Variants in SFI1 observed in about 807,000 individuals in gnomAD.
SFI1 encodes protein SFI1 homolog.
A neutral mutation model predicts 207.5 loss-of-function variants in SFI1; 195 were observed. The ratio of observed to expected loss-of-function variants is 0.94; its 90% CI spans 0.84 to 1.06. The LOEUF (loss-of-function observed/expected upper bound fraction) is 1.06, where lower values mean the gene tolerates loss of function less well. Among genes scored for constraint, SFI1 ranks in the 50% least tolerant of loss-of-function variants. The pLI, the probability that SFI1 is intolerant of heterozygous loss-of-function variation, is 0.00. For missense variants in SFI1, 1,634 were observed against 1,588.0 expected (o/e 1.03, Z -0.49); for synonymous variants, 630 against 598.9 (o/e 1.05, Z -0.76).
At chr22:31,576,116 C>G (rs77671876) in intron 10 of SFI1, among the ~76,000 whole-genome samples, 1,910 of 151,948 alleles carry the variant, frequency 0.013, 97 homozygotes, top group Admixed American at 0.074. Context: ...TCTCCGCCTC[C>G]CAGGTTCAAG....
At chr22:31,594,271 C>T (rs1274887245) in intron 15 of SFI1, among the ~76,000 whole-genome samples, 4 of 152,068 alleles carry the variant, frequency 2.6e-5, no homozygotes, top group African/African-American at 7.2e-5. Context: ...AAGGTCGGGC[C>T]GGGTGCAGTG....
chr22:31,610,294 C>T (rs771589448), intron 22 of SFI1, among the ~76,000 whole-genome samples: 1 of 152,146 alleles, frequency 6.6e-6, no homozygotes, highest in Non-Finnish European at 1.5e-5. Flanking sequence ...CTCTGAGTCT[C>T]AATGTCTTCA....
chr22:31,595,400 A>G (rs761834856), intron 15 of SFI1, among the ~76,000 whole-genome samples: 7 of 152,364 alleles, frequency 4.6e-5, no homozygotes, highest in Middle Eastern at 6.8e-3. Context: ...TGCCCATGGC[A>G]TCATTATCTT....
At chr22:31,593,027 TG>T (rs1167013111) in intron 15 of SFI1, among the ~76,000 whole-genome samples, 1 of 46,922 alleles carries the variant, frequency 2.1e-5, no homozygotes, top group Admixed American at 2.1e-4. Flanking sequence ...GCTGGCCAGG[TG>T]GGGGGCTGAC....
chr22:31,521,177 TA>T, intron 2 of SFI1: 1 of 160,424 alleles, frequency 6.2e-6, no homozygotes. Flanking sequence ...AGACCTGAGA[TA>T]ATAAGAAATA....
In SFI1 at chr22:31,603,768, A is replaced by G. The variant is rs780953307; in HGVS notation, c.1830A>G (p.Ala610=). 6.5e-7 allele frequency: 1 copy of G among 1,546,178 alleles called. No individual in the cohort carries two copies. The highest frequency in any genetic ancestry group is 8.6e-7 in the Non-Finnish European group (1 of 1,159,140). ...RTERTGRVRA[A]EFHMAQLLRW... ...GGAGGACGGGCAGGGTGCGGGCAGC[A>G]GAATTCCACATGGCCCAGCTCCTGC... The change falls in exon 18 of 33, where the codon GCA becomes GCG. Residue 610 remains alanine (A), a synonymous_variant. Coordinates refer to ENST00000400288, the MANE Select transcript of SFI1 (RefSeq NM_001007467.3).
At chr22:31,537,402 A>G (rs1349140909) in intron 4 of SFI1, among the ~76,000 whole-genome samples, 1 of 152,180 alleles carries the variant, frequency 6.6e-6, no homozygotes, top group East Asian at 1.9e-4. Flanking sequence ...GTGGATACTT[A>G]CGAGAAAAAG....
intron 15 of SFI1, among the ~76,000 whole-genome samples, chr22:31,589,899 T>C (rs1000081445): frequency 2.6e-5 from 4 of 151,902 alleles, no homozygotes; most frequent in Non-Finnish European, 4.4e-5. Context: ...AGACTTATTA[T>C]GAGGAATTGA....
intron 2 of SFI1, among the ~76,000 whole-genome samples, chr22:31,516,470 AC>A (rs1470290524): frequency 6.6e-6 from 1 of 151,124 alleles, no homozygotes; most frequent in Non-Finnish European, 1.5e-5. Flanking sequence ...CTGAGATGGC[AC>A]CCCTGCACTC....
In SFI1 at chr22:31,613,774, T is replaced by C; in HGVS notation, c.2915T>C (p.Leu972Pro). The change falls in exon 27 of 33, where the codon CTT (leucine) becomes CCT (proline). Residue 972 changes from leucine to proline, a missense_variant. Leu to Pro is a moderately conservative substitution (Grantham distance 98). Coordinates refer to ENST00000400288, the MANE Select transcript of SFI1 (RefSeq NM_001007467.3). ...GCTGCTGGGGCTGGGGATGGCACCC[T>C]TGAGACCAAGAGGCCACAGGCTTCT... Reference protein sequence around the residue: ...RIAAGAGDGTLETKRPQASRP... With the variant: ...RIAAGAGDGTPETKRPQASRP... The C allele has an allele frequency of 3.1e-6, 5 of 1,612,866 alleles. No individual in the cohort carries two copies. The highest frequency in any genetic ancestry group is 4.2e-6 in the Non-Finnish European group (5 of 1,179,800).
chr22:31,602,153 C>A (rs1397717848), intron 15 of SFI1, 59 bp from the exon 16 acceptor site: 1 of 1,395,704 alleles, frequency 7.2e-7, no homozygotes, highest in South Asian at 1.2e-5. Flanking sequence ...ACTTCTAGTT[C>A]TGTTTGGGTT....
intron 2 of SFI1, among the ~76,000 whole-genome samples, chr22:31,527,225 A>G (rs530812161): frequency 3.1e-3 from 479 of 152,202 alleles, no homozygotes; most frequent in African/African-American, 0.011. Context: ...AAAAAATTAG[A>G]TTGCTTCTAC....
chr22:31,499,550 G>A (rs565707904), intron 1 of SFI1, among the ~76,000 whole-genome samples: 22 of 152,154 alleles, frequency 1.4e-4, no homozygotes, highest in Non-Finnish European at 2.9e-4. Flanking sequence ...AGGATTTAGA[G>A]TATTACATAA....
intron 4 of SFI1, among the ~76,000 whole-genome samples, chr22:31,543,298 G>A (rs1433487075): frequency 6.6e-6 from 1 of 152,154 alleles, no homozygotes; most frequent in Non-Finnish European, 1.5e-5. Context: ...ACCACGCAGT[G>A]ACTTTATTTT....
chr22:31,596,056 C>T (rs992705832), intron 15 of SFI1, among the ~76,000 whole-genome samples: 1 of 152,000 alleles, frequency 6.6e-6, no homozygotes, highest in African/African-American at 2.4e-5. Flanking sequence ...AGTTTCAGAC[C>T]AGCCTGGCCA....
At chr22:31,568,192 TGTTG>T (rs1441867550) in intron 8 of SFI1, among the ~76,000 whole-genome samples, 4 of 72,540 alleles carry the variant, frequency 5.5e-5, no homozygotes, top group African/African-American at 2.1e-4. Context: ...TGTGTGTGTG[TGTTG>T]TGTGTGTGTG....
chr22:31,601,365 C>T (rs556538414), intron 15 of SFI1, among the ~76,000 whole-genome samples: 645 of 152,144 alleles, frequency 4.2e-3, no homozygotes, highest in African/African-American at 0.014. Context: ...CCTCATGATC[C>T]GCCCACCTCG....
At chr22:31,552,967 C>G (rs995055762) in intron 6 of SFI1, among the ~76,000 whole-genome samples, 1 of 152,122 alleles carries the variant, frequency 6.6e-6, no homozygotes, top group African/African-American at 2.4e-5. Flanking sequence ...CCTCAGACTC[C>G]TGAGTAGCTG....
Position 31,557,004 on chromosome 22 carries a change from A to G in SFI1, c.607A>G (p.Thr203Ala). ...GTTGATCTACGTGGTTGTTCGTAGG[A>G]CCAAACTTCAGATGCAGACTACAGC... ...SWLIYVVVRR[T>A]KLQMQTTALE... The change falls in exon 7 of 33, where the codon ACC (threonine) becomes GCC (alanine). Residue 203 changes from threonine (T) to alanine (A), a missense_variant. By Grantham distance (58) the Thr-to-Ala change is moderately conservative. Transcript: ENST00000400288. 1 of 1,612,652 alleles carries G rather than the reference A, an allele frequency of 6.2e-7. No homozygotes were observed.
Sources: allele counts gnomAD v4.1 joint callset (sites outside exome capture counted in the v4.1 genomes callset), GRCh38; gene constraint gnomAD v4.1.1; transcripts MANE v1.5; gene names NCBI Gene and HGNC (gene_info 2026-07-23, HGNC 2026-07-21).